The following RASGRP3 variants were observed in gnomAD, a reference collection of about 807,000 sequenced individuals.
RASGRP3 encodes RAS guanyl releasing protein 3.
In RASGRP3, 54 loss-of-function variants were observed where a neutral mutation model predicts 82.7. That is an observed-to-expected ratio of 0.65 (90% CI 0.52 to 0.82). The LOEUF is 0.82. Ranked by LOEUF, RASGRP3 falls within the 40% of genes least tolerant of loss-of-function variation. RASGRP3 has a pLI of 0.00. For missense variants in RASGRP3, 861 were observed against 828.9 expected (o/e 1.04, Z -0.48); for synonymous variants, 309 against 300.5 (o/e 1.03, Z -0.29).
chr2:33,540,554 TTTTGTGTGTGTGTGTGTGTG>T (rs1330456199), intron 12 of RASGRP3, among the ~76,000 whole-genome samples: 28 of 26,176 alleles, frequency 1.1e-3, no homozygotes, highest in African/African-American at 1.4e-3. Context: ...TGTGTGTGTG[TTTTGTGTGTGTGTGTGTGTG>T]TGTGTGTGTG....
At chr2:33,527,800 T>G (rs1260877257) in intron 10 of RASGRP3, among the ~76,000 whole-genome samples, 2 of 152,222 alleles carry the variant, frequency 1.3e-5, no homozygotes, top group African/African-American at 4.8e-5. Context: ...GGCTGAAGCC[T>G]GGAGTAATGC....
chr2:33,469,523 G>A (rs957563312), intron 2 of RASGRP3, among the ~76,000 whole-genome samples: 5 of 150,792 alleles, frequency 3.3e-5, no homozygotes, highest in Middle Eastern at 3.4e-3. Context: ...GCAGTGGCGC[G>A]ATCTTGACTC....
intron 2 of RASGRP3, among the ~76,000 whole-genome samples, chr2:33,449,379 T>C (rs1006545615): frequency 2.0e-5 from 3 of 152,268 alleles, no homozygotes; most frequent in African/African-American, 7.2e-5. Flanking sequence ...TACGTTATAC[T>C]ATGTAGATAG....
At chr2:33,541,678 T>A (rs553422058) in intron 12 of RASGRP3, among the ~76,000 whole-genome samples, 1 of 147,710 alleles carries the variant, frequency 6.8e-6, no homozygotes, top group African/African-American at 2.4e-5. Flanking sequence ...GTATTTTTAT[T>A]TGGTGATTGC....
At chr2:33,531,683 T>C (rs74319830) in intron 10 of RASGRP3, 6,580 of 152,310 alleles carry the variant, frequency 0.043, 190 homozygotes, top group South Asian at 0.1. Flanking sequence ...CTCACACTAC[T>C]AATAAGCAGA....
chr2:33,461,340 A>G (rs1229609402), intron 2 of RASGRP3, among the ~76,000 whole-genome samples: 1 of 152,122 alleles, frequency 6.6e-6, no homozygotes, highest in Admixed American at 6.5e-5. Context: ...GTGCAGTGGC[A>G]CGATCTCTAT....
chr2:33,452,636 C>G (rs1264538379), intron 2 of RASGRP3, among the ~76,000 whole-genome samples: 1 of 152,082 alleles, frequency 6.6e-6, no homozygotes, highest in East Asian at 1.9e-4. Context: ...TCATAGAGGC[C>G]CACTTTGTTC....
At chr2:33,518,047 A>G (rs1671630359) in intron 4 of RASGRP3, among the ~76,000 whole-genome samples, 1 of 152,194 alleles carries the variant, frequency 6.6e-6, no homozygotes, top group Non-Finnish European at 1.5e-5. Context: ...TGAAAATGAC[A>G]TTTTCAAATA....
intron 1 of RASGRP3, among the ~76,000 whole-genome samples, chr2:33,441,631 T>C (rs1309330600): frequency 2.0e-5 from 3 of 152,264 alleles, no homozygotes; most frequent in Non-Finnish European, 4.4e-5. Context: ...AGATTTATCT[T>C]AAACTTTCTA....
intron 10 of RASGRP3, 34 bp downstream of exon 10, chr2:33,527,446 ATTC>A: frequency 6.4e-7 from 1 of 1,574,352 alleles, no homozygotes; most frequent in Non-Finnish European, 8.7e-7. Flanking sequence ...GGGCTCAATA[ATTC>A]TTCTGCACCT....
Position 33,521,988 on chromosome 2 carries a change from G to T in RASGRP3, c.402G>T (p.Gln134His), listed in dbSNP as rs1234001408. The part of the protein sequence containing the change: ...PSYDWMRRVT[Q>H]RKKVSKKGKA... ...ATGACTGGATGAGAAGAGTCACACAGAGGAAAAAAGTATCCAAGAAGGGAA... is the reference window on the plus strand; with the variant it reads ...ATGACTGGATGAGAAGAGTCACACATAGGAAAAAAGTATCCAAGAAGGGAA... The change falls in exon 7 of 18, where the codon CAG becomes CAT. Residue 134 changes from glutamine (Q) to histidine (H), a missense_variant. Coordinates refer to ENST00000403687, the MANE Select transcript of RASGRP3 (RefSeq NM_001139488.2). 1 of 1,613,720 alleles carries T rather than the reference G, an allele frequency of 6.2e-7. No homozygotes were observed. The highest frequency in any genetic ancestry group is 1.1e-5 in the South Asian group (1 of 91,036).
chr2:33,461,581 G>A (rs114257767), intron 2 of RASGRP3, among the ~76,000 whole-genome samples: 4,253 of 152,308 alleles, frequency 0.028, 180 homozygotes, highest in African/African-American at 0.09. Context: ...CCCAGCTCCT[G>A]CCACTTTTTA....
chr2:33,514,295 T>A (rs549670724), intron 2 of RASGRP3, among the ~76,000 whole-genome samples: 136 of 152,082 alleles, frequency 8.9e-4, no homozygotes, highest in African/African-American at 3.2e-3. Context: ...CTTCTAAAAA[T>A]TTTTTCCTTA....
At position 33,563,898 on chromosome 2, in the gene RASGRP3, G is replaced by T. The variant is rs561905166; in HGVS notation, c.*1161G>T. Reference sequence around the variant, plus strand: ...TGGGTCTATTTCTTCCATGATTAGAGGAGAGAGAACTTGATTCAAGATACT... The same window carrying T: ...TGGGTCTATTTCTTCCATGATTAGATGAGAGAGAACTTGATTCAAGATACT... On this transcript the variant is annotated 3_prime_UTR_variant, in exon 18 of 18. Coordinates refer to ENST00000403687, the MANE Select transcript of RASGRP3 (RefSeq NM_001139488.2). 9 of 152,192 alleles carry T rather than the reference G, an allele frequency of 5.9e-5. No individual in the cohort carries two copies. In the East Asian group the frequency reaches 1.7e-3, roughly 29 times the overall value. 9.4% of individuals were successfully genotyped at this position (152,192 alleles called of 1,614,324 possible). A position where few individuals can be genotyped will look rare whatever the true frequency, so the allele number is the denominator to read the frequency against.
chr2:33,483,534 G>T (rs977178695), intron 1 of RASGRP3, among the ~76,000 whole-genome samples: 1 of 142,512 alleles, frequency 7.0e-6, no homozygotes, highest in East Asian at 2.0e-4. Flanking sequence ...TGTCACCCAG[G>T]CTGGAGTGCA....
intron 6 of RASGRP3, 21 bp downstream of exon 6, chr2:33,520,705 T>C (rs1177251843): frequency 6.2e-7 from 1 of 1,612,954 alleles, no homozygotes; most frequent in Non-Finnish European, 8.5e-7. Context: ...CACCGACGTC[T>C]TTCACACCCA....
At chr2:33,540,368 A>G (rs1428297765) in intron 12 of RASGRP3, among the ~76,000 whole-genome samples, 1 of 146,024 alleles carries the variant, frequency 6.8e-6, no homozygotes, top group Non-Finnish European at 1.5e-5. Flanking sequence ...CCCAGCTTGG[A>G]GCTGGGGAAG....
intron 2 of RASGRP3, among the ~76,000 whole-genome samples, chr2:33,468,578 T>A (rs1271578585): frequency 6.6e-6 from 1 of 152,088 alleles, no homozygotes; most frequent in African/African-American, 2.4e-5. Flanking sequence ...ATTTTTGTAT[T>A]TTTAGTACAG....
At chr2:33,511,503 G>T (rs1270455668) in intron 1 of RASGRP3, among the ~76,000 whole-genome samples, 1 of 152,016 alleles carries the variant, frequency 6.6e-6, no homozygotes, top group Non-Finnish European at 1.5e-5. Flanking sequence ...GCTGCAAAAA[G>T]CTTACTTGAT....
Sources: gnomAD v4.1 joint callset for allele counts (sites outside exome capture counted in the v4.1 genomes callset) on GRCh38, gnomAD v4.1.1 for gene constraint, MANE v1.5 for transcripts, NCBI Gene and HGNC (gene_info 2026-07-23, HGNC 2026-07-21) for gene names.